DNAH6: variants seen among roughly 807,000 people sequenced by gnomAD.
DNAH6 encodes the protein dynein axonemal heavy chain 6, also known as axonemal beta dynein heavy chain 6.
A neutral mutation model predicts 491.4 loss-of-function variants in DNAH6; 340 were observed. That is an observed-to-expected ratio of 0.69 (90% CI 0.63 to 0.76). The LOEUF (loss-of-function observed/expected upper bound fraction) is 0.76, where lower values mean the gene tolerates loss of function less well. Ranked by LOEUF, DNAH6 falls within the 30% of genes least tolerant of loss-of-function variation. The pLI is 0.00. For synonymous variants in DNAH6, 1,603 were observed against 1,686.1 expected (o/e 0.95, Z 1.21); for missense variants, 4,443 against 4,972.2 (o/e 0.89, Z 3.20).
chr2:84,505,047 G>C, the DNAH6 span, among the ~76,000 whole-genome samples: 1 of 152,092 alleles, frequency 6.6e-6, no homozygotes, highest in African/African-American at 2.4e-5. Flanking sequence ...ATGTTTTTCA[G>C]TTTTCAGCAT....
intron 12 of DNAH6, 45 bp downstream of exon 12, chr2:84,573,632 T>G: frequency 3.4e-6 from 5 of 1,475,478 alleles, no homozygotes; most frequent in Non-Finnish European, 4.5e-6. Context: ...ATAGGGATAC[T>G]GAGATTTGTT....
chr2:84,553,485 C>T (rs1377903246), intron 10 of DNAH6, among the ~76,000 whole-genome samples: 1 of 143,352 alleles, frequency 7.0e-6, no homozygotes. Context: ...TTTTTTGAAA[C>T]AGGGATTCAC....
At chr2:84,794,200 G>A (rs1415025690) in intron 68 of DNAH6, among the ~76,000 whole-genome samples, 6 of 152,100 alleles carry the variant, frequency 3.9e-5, no homozygotes, top group Admixed American at 1.3e-4. Flanking sequence ...AGACTTAAAC[G>A]TTAGACCTAA....
chr2:84,724,933 A>G (rs1267897230), intron 60 of DNAH6, among the ~76,000 whole-genome samples: 2 of 152,136 alleles, frequency 1.3e-5, no homozygotes, highest in East Asian at 3.8e-4. Context: ...TTTAGACTCC[A>G]CCTCTCAATG....
chr2:84,602,598 G>C (rs1019967221), intron 18 of DNAH6, among the ~76,000 whole-genome samples: 5 of 136,256 alleles, frequency 3.7e-5, no homozygotes, highest in Non-Finnish European at 6.1e-5. Context: ...TATTGTTACT[G>C]TTCAAATTTA....
rs1451422831 is a variant in DNAH6 at position 84,653,306 on chromosome 2, T to C, written c.5079-13T>C. 2 of 1,484,158 alleles carry C rather than the reference T, an allele frequency of 1.3e-6. No homozygotes were observed. The highest frequency in any genetic ancestry group is 5.1e-5 in the Admixed American group (2 of 39,092). The allele number at this position is 1,484,158 out of a possible 1,614,324, so 91.9% of individuals were successfully genotyped here. The stretch of plus-strand genomic sequence containing the variant: ...CCAGTTGTTCCTAATTGATTTTATT[T>C]TTGTTTTGACAGTGGAATCATATCT... On this transcript the variant is annotated splice_polypyrimidine_tract_variant and intron_variant, in intron 33 of 76. Coordinates refer to ENST00000389394, the MANE Select transcript of DNAH6 (RefSeq NM_001370.2).
upstream of DNAH6, among the ~76,000 whole-genome samples, chr2:84,512,427 C>T (rs545165692): frequency 1.5e-4 from 23 of 152,272 alleles, no homozygotes; most frequent in Middle Eastern, 6.8e-3. Flanking sequence ...CCCAAGAAAA[C>T]GACATGAATC....
At chr2:84,529,737 T>C (rs976535501) in intron 4 of DNAH6, among the ~76,000 whole-genome samples, 1 of 152,194 alleles carries the variant, frequency 6.6e-6, no homozygotes, top group East Asian at 1.9e-4. Context: ...AAGATGATAC[T>C]GGCTTTCCTC....
chr2:84,461,595 C>T, the DNAH6 span, among the ~76,000 whole-genome samples: 1 of 152,138 alleles, frequency 6.6e-6, no homozygotes, highest in Non-Finnish European at 1.5e-5. Flanking sequence ...TATGAAACTC[C>T]CTATTTCATA....
chr2:84,576,987 ACTTACAAGTTATTTTCATCTGTCATCT>A (rs1214758325), intron 12 of DNAH6, among the ~76,000 whole-genome samples: 3 of 152,184 alleles, frequency 2.0e-5, no homozygotes, highest in African/African-American at 7.2e-5. Flanking sequence ...TCTCTAATGC[ACTTACAAGTTATTTTCATCTGTCATCT>A]CTTCATAGGA....
intron 22 of DNAH6, 85 bp downstream of exon 22, chr2:84,611,939 G>T (rs1317645912): frequency 1.6e-6 from 2 of 1,228,546 alleles, no homozygotes; most frequent in Middle Eastern, 2.0e-4. Flanking sequence ...ATGTTTCTCT[G>T]GGAATCTAAT....
chr2:84,524,819 C>G (rs970537057), intron 2 of DNAH6, among the ~76,000 whole-genome samples: 3 of 152,070 alleles, frequency 2.0e-5, no homozygotes, highest in Admixed American at 1.3e-4. Flanking sequence ...ATCCTGTTCT[C>G]TATTCCTATT....
chr2:84,701,108 A>G lies in DNAH6; in HGVS notation c.7830A>G (p.Glu2610=). 1 of 1,550,768 alleles carries G rather than the reference A, an allele frequency of 6.4e-7. No individual in the cohort carries two copies. The highest frequency in any genetic ancestry group is 8.7e-7 in the Non-Finnish European group (1 of 1,145,864). ...TCCTTGATTCACAGTGGCCCAGAGAAGCACTTCTTTCTGTGTCAAAGACAT... is the reference window on the plus strand; with the variant it reads ...TCCTTGATTCACAGTGGCCCAGAGAGGCACTTCTTTCTGTGTCAAAGACAT... The part of the protein sequence containing the change: ...TIDWFVQWPR[E]ALLSVSKTFF... The change falls in exon 49 of 77, where the codon GAA becomes GAG. Residue 2610 remains glutamate, a synonymous_variant. Coordinates refer to ENST00000389394, the MANE Select transcript of DNAH6 (RefSeq NM_001370.2).
chr2:84,669,335 C>G lies in DNAH6; in HGVS notation c.6131C>G (p.Thr2044Ser). 6.5e-7 allele frequency: 1 copy of G among 1,549,904 alleles called. No individual in the cohort carries two copies. Among genetic ancestry groups the G allele is most frequent in the African/African-American group, 1.4e-5 (1 of 73,110 alleles). ...TGGAGCATTCATATGGACTTTGACA[C>G]CAAACGGCTGGATCCCTGGGAACGA... ...DLWSIHMDFD[T>S]KRLDPWERII... The change falls in exon 38 of 77, where the codon ACC becomes AGC. Residue 2044 changes from threonine to serine, a missense_variant. Physicochemically the swap from Thr to Ser is moderately conservative, Grantham distance 58. This residue lies in a region of DNAH6 where 2,977 missense variants were observed against 3,296.6 expected (regional missense o/e 0.90). Coordinates refer to ENST00000389394, the MANE Select transcript of DNAH6 (RefSeq NM_001370.2).
intron 37 of DNAH6, among the ~76,000 whole-genome samples, chr2:84,663,473 T>C (rs982533952): frequency 6.6e-6 from 1 of 151,612 alleles, no homozygotes; most frequent in Non-Finnish European, 1.5e-5. Flanking sequence ...CAGCCGATTC[T>C]ATCAATTGGA....
chr2:84,480,007 T>C, the DNAH6 span, among the ~76,000 whole-genome samples: 2 of 152,198 alleles, frequency 1.3e-5, no homozygotes, highest in South Asian at 4.1e-4. Context: ...TTAACAGCAA[T>C]TGATGGGGTC....
intron 45 of DNAH6, among the ~76,000 whole-genome samples, chr2:84,692,694 G>T (rs773873418): frequency 2.0e-5 from 3 of 151,956 alleles, no homozygotes; most frequent in Non-Finnish European, 4.4e-5. Context: ...ATACATACTG[G>T]TCACCTTTAT....
At chr2:84,640,093 T>C (rs1335622422) in intron 31 of DNAH6, among the ~76,000 whole-genome samples, 4 of 152,280 alleles carry the variant, frequency 2.6e-5, no homozygotes, top group East Asian at 1.9e-4. Flanking sequence ...GTTCTTGCTT[T>C]TGTACTCGGG....
rs2105240240 is a variant in DNAH6, at chr2:84,785,711, G to A, written c.11055G>A (p.Trp3685Ter). The A allele has an allele frequency of 1.9e-6, 3 of 1,547,384 alleles. No homozygotes were observed. The highest frequency in any genetic ancestry group is 2.6e-6 in the Non-Finnish European group (3 of 1,145,578). Residue 3685 changes from tryptophan to a stop codon, truncating the protein, a stop_gained, in exon 67 of 77, where the codon TGG becomes TGA. Transcript: ENST00000389394. LOFTEE classifies it high-confidence loss of function. ...AAGAAAATATACTTGGAAAAAAATGGAGACAAATAATATTTGGCATTTGTT... is the reference window on the plus strand; with the variant it reads ...AAGAAAATATACTTGGAAAAAAATGAAGACAAATAATATTTGGCATTTGTT... The part of the protein sequence containing the change: ...FFEENILGKK[W>*]RQIIFGICFF...
Sources: gnomAD v4.1 joint callset for allele counts (sites outside exome capture counted in the v4.1 genomes callset) on GRCh38, gnomAD v4.1.1 for gene constraint, gnomAD v4.1.1 regional missense constraint, MANE v1.5 for transcripts, NCBI Gene and HGNC (gene_info 2026-07-23, HGNC 2026-07-21) for gene names.